PLEKHH2: variants seen among roughly 807,000 people sequenced by gnomAD.
PLEKHH2 encodes pleckstrin homology, MyTH4 and FERM domain containing H2, also known as pleckstrin homology domain-containing family H member 2.
In PLEKHH2, 129 loss-of-function variants were observed where a neutral mutation model predicts 187.9. That is an observed-to-expected ratio of 0.69 (90% CI 0.59 to 0.79). The LOEUF (loss-of-function observed/expected upper bound fraction) is 0.79. PLEKHH2 is among the 30% of genes least tolerant of loss of function. PLEKHH2 has a pLI of 0.00. For missense variants in PLEKHH2, 2,076 were observed against 1,751.2 expected, an observed-to-expected ratio of 1.19 and a Z score of -3.31; for synonymous variants, 686 against 605.6, an observed-to-expected ratio of 1.13 and a Z score of -1.95.
intron 15 of PLEKHH2, among the ~76,000 whole-genome samples, chr2:43,717,488 G>A (rs1298970953): frequency 6.6e-6 from 1 of 152,140 alleles, no homozygotes; most frequent in East Asian, 1.9e-4. Context: ...GGGGAGGGAA[G>A]TGGGAGGAAT....
intron 3 of PLEKHH2, among the ~76,000 whole-genome samples, chr2:43,680,087 G>A (rs952855641): frequency 6.6e-6 from 1 of 152,152 alleles, no homozygotes; most frequent in Admixed American, 6.5e-5. Context: ...AAAGTTTAAT[G>A]ATTCTAAATC....
At position 43,692,751 on chromosome 2, in the gene PLEKHH2, A is replaced by G. The variant is rs878977095; in HGVS notation, c.336+88A>G. ...TTAAAAAGAGAGAGCCTAAATTTCT[A>G]TATTTGGGGAGAAATATTGCTTATT... is the stretch of plus-strand genomic sequence containing the variant. On this transcript the variant is annotated intron_variant, in intron 4 of 29. Coordinates refer to ENST00000282406, the MANE Select transcript of PLEKHH2 (RefSeq NM_172069.4). 34 of 1,385,078 alleles carry G rather than the reference A, an allele frequency of 2.5e-5. No homozygotes were observed. The South Asian group carries it at 3.9e-4, about 16-fold the overall frequency. 85.8% of individuals were successfully genotyped at this position (1,385,078 alleles called of 1,614,324 possible). A position where few individuals can be genotyped will look rare whatever the true frequency, so the allele number is the denominator to read the frequency against.
intron 20 of PLEKHH2, among the ~76,000 whole-genome samples, chr2:43,739,464 C>G (rs1671458074): frequency 6.6e-6 from 1 of 152,128 alleles, no homozygotes; most frequent in Non-Finnish European, 1.5e-5. Context: ...AATTTCTTAC[C>G]TTAGCATATA....
At chr2:43,740,409 T>C (rs1048878978) in intron 20 of PLEKHH2, among the ~76,000 whole-genome samples, 2 of 152,206 alleles carry the variant, frequency 1.3e-5, no homozygotes, top group African/African-American at 4.8e-5. Flanking sequence ...TGAAAAAATA[T>C]AGAAAGGAGA....
At chr2:43,701,961 G>C (rs1451830712) in intron 8 of PLEKHH2, among the ~76,000 whole-genome samples, 3 of 152,098 alleles carry the variant, frequency 2.0e-5, no homozygotes, top group Non-Finnish European at 2.9e-5. Context: ...TAGAGGTGGG[G>C]TTTCACCATG....
At chr2:43,675,138 A>T (rs1437679837) in intron 2 of PLEKHH2, 2 of 378,818 alleles carry the variant, frequency 5.3e-6, no homozygotes, top group Non-Finnish European at 9.4e-6. Flanking sequence ...ATAAAATTAA[A>T]AAGCAGGTGA....
At chr2:43,651,356 C>T (rs12620437) in intron 2 of PLEKHH2, among the ~76,000 whole-genome samples, 26,247 of 152,098 alleles carry the variant, frequency 0.17, 2,354 homozygotes, top group Middle Eastern at 0.29. Context: ...CGTGAGCCAC[C>T]GCGCCCGGCC....
At chr2:43,647,438 T>C (rs954497748) in intron 2 of PLEKHH2, among the ~76,000 whole-genome samples, 3 of 152,226 alleles carry the variant, frequency 2.0e-5, no homozygotes, top group Non-Finnish European at 2.9e-5. Context: ...TCAGCCTATA[T>C]GGCCTTTCTA....
Position 43,762,146 on chromosome 2 carries a change from G to A in PLEKHH2, c.4072-158G>A, listed in dbSNP as rs1572675144. Among the ~76,000 whole-genome samples, 3 of 152,064 alleles carry A rather than the reference G, an allele frequency of 2.0e-5. No homozygotes were observed. In the South Asian group the frequency reaches 6.2e-4, roughly 32 times the overall value. ...TAATATCGAATTCACTCTTAGCTCC[G>A]GTATACCACCCTGCCTCTTTCCTAG... On this transcript the variant is annotated intron_variant, in intron 27 of 29. Coordinates refer to ENST00000282406, the MANE Select transcript of PLEKHH2 (RefSeq NM_172069.4).
In PLEKHH2 at chr2:43,710,584, CTTTTTTTTT is replaced by C. The variant is rs376851824; in HGVS notation, c.2301+25_2301+33del. The C allele has an allele frequency of 1.8e-3, 2,194 of 1,242,518 alleles. 22 individuals are homozygous for C. The African/African-American group carries it at 0.031, about 18-fold the overall frequency. 77.0% of individuals were successfully genotyped at this position (1,242,518 alleles called of 1,614,324 possible). A position where few individuals can be genotyped will look rare whatever the true frequency, so the allele number is the denominator to read the frequency against. On this transcript the variant is annotated intron_variant, in intron 14 of 29. Coordinates refer to ENST00000282406, the MANE Select transcript of PLEKHH2 (RefSeq NM_172069.4). Reference sequence around the variant, plus strand: ...ACAAACAAACAGTTCAGGTACTTAACTTTTTTTTTTTTTTTTTTTTTTTTGTATCATGCC... The same window carrying C: ...ACAAACAAACAGTTCAGGTACTTAACTTTTTTTTTTTTTTTGTATCATGCC...
Position 43,699,914 on chromosome 2 carries a change from G to A in PLEKHH2, c.956G>A (p.Arg319Lys), listed in dbSNP as rs753344272. The A allele has an allele frequency of 3.1e-6, 5 of 1,614,134 alleles. No homozygotes were observed. The Admixed American group carries it at 8.3e-5, about 27-fold the overall frequency. The change falls in exon 8 of 30, where the codon AGG becomes AAG. Residue 319 changes from arginine (R) to lysine (K), a missense_variant. Physicochemically the swap from Arg to Lys is conservative, Grantham distance 26. Transcript: ENST00000282406. ...TCTGAGGAAGGGGTCCAGTGTAGCA[G>A]GATGGGAAGTGAAATGTATCTGACA... ...HTSEEGVQCS[R>K]MGSEMYLTAS...
At chr2:43,733,623 C>T (rs1671152180) in intron 19 of PLEKHH2, among the ~76,000 whole-genome samples, 1 of 151,992 alleles carries the variant, frequency 6.6e-6, no homozygotes, top group African/African-American at 2.4e-5. Flanking sequence ...TCATGGATGG[C>T]TATAGAAAAA....
intron 4 of PLEKHH2, among the ~76,000 whole-genome samples, chr2:43,693,858 C>T (rs1170305113): frequency 6.6e-6 from 1 of 151,800 alleles, no homozygotes; most frequent in Non-Finnish European, 1.5e-5. Flanking sequence ...CATTTTTTCC[C>T]CATTTCTTGA....
chr2:43,754,343 C>T (rs1239570425), intron 25 of PLEKHH2, among the ~76,000 whole-genome samples: 1 of 152,146 alleles, frequency 6.6e-6, no homozygotes, highest in Non-Finnish European at 1.5e-5. Context: ...AGGGTGTCAT[C>T]ACCATGGTCC....
intron 15 of PLEKHH2, among the ~76,000 whole-genome samples, chr2:43,719,482 C>A (rs920854084): frequency 2.0e-5 from 3 of 152,186 alleles, no homozygotes; most frequent in African/African-American, 7.2e-5. Context: ...CTCTGTCGCC[C>A]AGGCTGGAGT....
At chr2:43,735,527 A>G (rs1246454689) in intron 19 of PLEKHH2, among the ~76,000 whole-genome samples, 1 of 152,210 alleles carries the variant, frequency 6.6e-6, no homozygotes, top group African/African-American at 2.4e-5. Flanking sequence ...TAGGGCAACT[A>G]TAGCTGACAA....
At chr2:43,691,175 C>T (rs1028807125) in intron 3 of PLEKHH2, among the ~76,000 whole-genome samples, 2 of 152,158 alleles carry the variant, frequency 1.3e-5, no homozygotes, top group African/African-American at 4.8e-5. Flanking sequence ...CTTCTTAGCT[C>T]AGCTACATCT....
chr2:43,744,058 T>A (rs1671679666), intron 23 of PLEKHH2, 69 bp downstream of exon 23: 1 of 1,538,972 alleles, frequency 6.5e-7, no homozygotes, highest in South Asian at 1.3e-5. Flanking sequence ...ACAAGAAGAG[T>A]AAACTTTGCA....
In PLEKHH2 at chr2:43,699,482, A is replaced by G. The variant is rs1332425746; in HGVS notation, c.689-165A>G. On this transcript the variant is annotated intron_variant, in intron 7 of 29. Transcript: ENST00000282406. ...AGACTTCAGCTCCTGGGCTCAAGCA[A>G]TCATCCTGCCTCAGCCTCCCAAGTA... Among the ~76,000 whole-genome samples, 5 of 152,276 alleles carry G rather than the reference A, an allele frequency of 3.3e-5. No individual in the cohort carries two copies. In the East Asian group the frequency reaches 9.6e-4, roughly 29 times the overall value.
Sources: allele counts gnomAD v4.1 joint callset (sites outside exome capture counted in the v4.1 genomes callset), GRCh38; gene constraint gnomAD v4.1.1; transcripts MANE v1.5; gene names NCBI Gene and HGNC (gene_info 2026-07-23, HGNC 2026-07-21).